Variants in PRKG1 observed in about 807,000 individuals in gnomAD.
PRKG1 encodes protein kinase cGMP-dependent 1.
PRKG1 carries 35 observed loss-of-function variants against 88.1 expected under a neutral mutation model. That is an observed-to-expected ratio of 0.40 (90% CI 0.30 to 0.53). The LOEUF (loss-of-function observed/expected upper bound fraction) is 0.53, where lower values mean the gene tolerates loss of function less well. Ranked by LOEUF, PRKG1 falls within the 20% of genes least tolerant of loss-of-function variation. PRKG1 has a pLI of 0.59. For synonymous variants in PRKG1, 303 were observed against 292.5 expected, an observed-to-expected ratio of 1.04 and a Z score of -0.37; for missense variants, 540 against 839.8, an observed-to-expected ratio of 0.64 and a Z score of 4.41.
intron 3 of PRKG1, among the ~76,000 whole-genome samples, chr10:51,684,851 A>C (rs969467525): frequency 6.6e-6 from 1 of 152,092 alleles, no homozygotes; most frequent in African/African-American, 2.4e-5. Flanking sequence ...TGGGTGACAG[A>C]GAGAGATCTT....
intron 2 of PRKG1, among the ~76,000 whole-genome samples, chr10:51,163,639 A>C (rs1403759038): frequency 2.6e-5 from 4 of 152,180 alleles, no homozygotes; most frequent in Admixed American, 1.3e-4. Context: ...TCCCTTTCCT[A>C]GTCAAAGAAA....
chr10:51,298,407 A>G (rs1425209476), intron 2 of PRKG1, among the ~76,000 whole-genome samples: 2 of 152,188 alleles, frequency 1.3e-5, no homozygotes, highest in Non-Finnish European at 1.5e-5. Context: ...TACTGATTAC[A>G]TGAACCTGGT....
chr10:52,225,485 AG>A (rs1840366651), intron 9 of PRKG1, among the ~76,000 whole-genome samples: 1 of 152,100 alleles, frequency 6.6e-6, no homozygotes, highest in Non-Finnish European at 1.5e-5. Context: ...AATGATCTTT[AG>A]TTTAATTAGG....
intron 5 of PRKG1, among the ~76,000 whole-genome samples, chr10:52,038,652 A>G (rs1306302367): frequency 6.6e-6 from 1 of 152,138 alleles, no homozygotes; most frequent in Non-Finnish European, 1.5e-5. Context: ...CCCCTTTCCC[A>G]GAAAAGTGGG....
At chr10:52,023,458 A>G (rs1845242414) in intron 5 of PRKG1, among the ~76,000 whole-genome samples, 2 of 152,178 alleles carry the variant, frequency 1.3e-5, no homozygotes, top group African/African-American at 4.8e-5. Context: ...GTCAAATGGT[A>G]TTTCTAGTTC....
intron 1 of PRKG1, among the ~76,000 whole-genome samples, chr10:51,014,535 T>C (rs868529992): frequency 3.4e-4 from 52 of 152,282 alleles, no homozygotes; most frequent in African/African-American, 1.2e-3. Context: ...AAAACATTTT[T>C]TTTTTCACAC....
At chr10:51,038,309 C>A (rs754621458) in intron 1 of PRKG1, among the ~76,000 whole-genome samples, 2 of 151,936 alleles carry the variant, frequency 1.3e-5, no homozygotes, top group Non-Finnish European at 2.9e-5. Context: ...AGCATTTATC[C>A]TTTATTTGTG....
At chr10:51,018,723 G>T (rs185219415) in intron 1 of PRKG1, among the ~76,000 whole-genome samples, 4 of 152,192 alleles carry the variant, frequency 2.6e-5, no homozygotes, top group African/African-American at 9.6e-5. Flanking sequence ...TTCCAACCCA[G>T]TATCCCTTTG....
chr10:52,199,909 A>G (rs2132772329), intron 9 of PRKG1, among the ~76,000 whole-genome samples: 1 of 152,256 alleles, frequency 6.6e-6, no homozygotes, highest in Non-Finnish European at 1.5e-5. Context: ...GGACTAATGA[A>G]TATACCTTTT....
At chr10:52,062,373 GA>G (rs1846256907) in intron 6 of PRKG1, among the ~76,000 whole-genome samples, 163 bp from the exon 7 acceptor site, 1 of 152,134 alleles carries the variant, frequency 6.6e-6, no homozygotes, top group Admixed American at 6.6e-5. Context: ...GTTTTCCTGG[GA>G]ATTTGTGATG....
chr10:51,824,402 A>T, intron 4 of PRKG1, among the ~76,000 whole-genome samples: 1 of 140,226 alleles, frequency 7.1e-6, no homozygotes, highest in African/African-American at 3.2e-5. Context: ...TTGTTATTTT[A>T]ACTTTTTTCA....
At chr10:51,261,881 ATTT>A (rs375382268) in intron 2 of PRKG1, among the ~76,000 whole-genome samples, 3 of 120,610 alleles carry the variant, frequency 2.5e-5, no homozygotes, top group Admixed American at 8.6e-5. Context: ...GGATTTTCTA[ATTT>A]TTTTTTTTTT....
intron 4 of PRKG1, among the ~76,000 whole-genome samples, chr10:51,825,843 G>A (rs1014573502): frequency 5.3e-5 from 8 of 152,126 alleles, no homozygotes; most frequent in Non-Finnish European, 1.2e-4. Flanking sequence ...AGTCATCAAG[G>A]CTCAAAACCG....
At chr10:51,909,498 CAT>C (rs956209814) in intron 5 of PRKG1, 3 of 151,792 alleles carry the variant, frequency 2.0e-5, no homozygotes, top group Admixed American at 6.6e-5. Context: ...TATACGAAGA[CAT>C]ATGAGCACAA....
chr10:51,660,218 A>G (rs950707998), intron 3 of PRKG1, among the ~76,000 whole-genome samples: 1 of 151,912 alleles, frequency 6.6e-6, no homozygotes, highest in Non-Finnish European at 1.5e-5. Flanking sequence ...CAAGATGGTT[A>G]GAATTGAGAA....
intron 9 of PRKG1, among the ~76,000 whole-genome samples, chr10:52,251,123 G>C (rs1841159275): frequency 1.3e-5 from 2 of 152,018 alleles, no homozygotes; most frequent in South Asian, 4.2e-4. Context: ...ATATTTATAG[G>C]AGGCACTGCC....
chr10:51,698,829 G>A lies in PRKG1; in HGVS notation c.593-105756G>A, dbSNP rs573426485. ...TCCTTCACAGGTCTTCTAGCCAAAT[G>A]CTGAGGCTGAGGAGCTGGAGGATTC... On this transcript the variant is annotated intron_variant, in intron 3 of 17. Coordinates refer to ENST00000373980, the MANE Select transcript of PRKG1 (RefSeq NM_006258.4). 6.8e-6 allele frequency: 11 copies of A among 1,613,210 alleles called. No individual in the cohort carries two copies. The East Asian group carries it at 2.5e-4, about 36-fold the overall frequency.
rs547408456 is a variant in PRKG1, at chr10:51,151,253, G to T, written c.312-1911G>T. Among the ~76,000 whole-genome samples, 35 of 151,942 alleles carry T rather than the reference G, an allele frequency of 2.3e-4. No individual in the cohort carries two copies. In the East Asian group the frequency reaches 6.6e-3, roughly 29 times the overall value. ...TTGGAAAATTAATCCCAGAATAGTA[G>T]ATCTCAGGAGTCAATATGAAGGTGC... is the stretch of plus-strand genomic sequence containing the variant. On this transcript the variant is annotated intron_variant, in intron 1 of 17. Transcript: ENST00000373980.
intron 1 of PRKG1, among the ~76,000 whole-genome samples, chr10:51,065,877 C>T (rs373942734): frequency 6.6e-6 from 1 of 151,876 alleles, no homozygotes; most frequent in African/African-American, 2.4e-5. Flanking sequence ...GGTTAGAATG[C>T]GTAATATATA....
Sources: allele counts gnomAD v4.1 joint callset (sites outside exome capture counted in the v4.1 genomes callset), GRCh38; gene constraint gnomAD v4.1.1; transcripts MANE v1.5; gene names NCBI Gene and HGNC (gene_info 2026-07-23, HGNC 2026-07-21).